The following SCOC variants were observed in gnomAD, a reference collection of about 807,000 sequenced individuals.
The protein encoded by SCOC is short coiled-coil protein.
A neutral mutation model predicts 9.9 loss-of-function variants in SCOC; 7 were observed. The observed-to-expected ratio is 0.71, with a 90% CI of 0.40 to 1.33. The LOEUF (loss-of-function observed/expected upper bound fraction) is 1.33, where lower values mean the gene tolerates loss of function less well. Ranked by LOEUF, SCOC falls within the 40% of genes most tolerant of loss-of-function variation. The pLI, the probability that SCOC is intolerant of heterozygous loss-of-function variation, is 0.01. For synonymous variants in SCOC, 19 were observed against 28.2 expected, an observed-to-expected ratio of 0.67 and a Z score of 1.03; for missense variants, 66 against 89.7, an observed-to-expected ratio of 0.74 and a Z score of 1.07.
chr4:140,324,465 A>G (rs1732588272), intron 1 of SCOC, among the ~76,000 whole-genome samples: 1 of 152,176 alleles, frequency 6.6e-6, no homozygotes. Flanking sequence ...TTCCAAAAAT[A>G]TACAAAACAC....
intron 1 of SCOC, among the ~76,000 whole-genome samples, chr4:140,317,893 C>T (rs557763406): frequency 0.017 from 2,237 of 131,786 alleles, 59 homozygotes; most frequent in African/African-American, 0.06. Flanking sequence ...ATTCCCCTTC[C>T]TGTGTCCATG....
chr4:140,305,040 C>T (rs912207575), intron 1 of SCOC, among the ~76,000 whole-genome samples: 6 of 152,190 alleles, frequency 3.9e-5, no homozygotes, highest in East Asian at 1.9e-4. Flanking sequence ...GGCATGAGCT[C>T]GTCTCTGCCA....
At chr4:140,369,857 ATTTTTTTTTTTTT>A (rs540817613), upstream of SCOC, among the ~76,000 whole-genome samples, 4 of 31,374 alleles carry the variant, frequency 1.3e-4, no homozygotes, top group African/African-American at 2.7e-4. Context: ...CAGAAGGGGG[ATTTTTTTTTTTTT>A]TTTTTTTTTT....
chr4:140,366,880 A>T, intron 2 of SCOC: 1 of 718,130 alleles, frequency 1.4e-6, no homozygotes. Flanking sequence ...GTTTGGCAAG[A>T]AGGAAGAAGG....
chr4:140,273,987 G>C (rs536587416), intron 1 of SCOC, among the ~76,000 whole-genome samples: 16 of 152,268 alleles, frequency 1.1e-4, no homozygotes, highest in African/African-American at 3.6e-4. Flanking sequence ...GTCAAAAAAG[G>C]GATAATTGCA....
intron 1 of SCOC, among the ~76,000 whole-genome samples, chr4:140,286,302 C>T (rs550751563): frequency 5.3e-5 from 8 of 151,866 alleles, no homozygotes; most frequent in Admixed American, 2.0e-4. Flanking sequence ...ACCAGCCCAC[C>T]GTTTTTACTG....
upstream of SCOC, among the ~76,000 whole-genome samples, chr4:140,340,679 A>T (rs1207546925): frequency 2.0e-5 from 3 of 151,514 alleles, no homozygotes; most frequent in Admixed American, 1.3e-4. Context: ...TTCACCATGG[A>T]TAATTTAAAT....
intron 2 of SCOC, among the ~76,000 whole-genome samples, chr4:140,358,397 A>G (rs536761266): frequency 1.8e-4 from 27 of 152,320 alleles, no homozygotes; most frequent in Non-Finnish European, 3.1e-4. Context: ...AACACTGAGT[A>G]ATGACTAAGT....
At chr4:140,339,504 T>C (rs1352421399), upstream of SCOC, among the ~76,000 whole-genome samples, 1 of 151,778 alleles carries the variant, frequency 6.6e-6, no homozygotes, top group East Asian at 1.9e-4. Context: ...ACCACCAGAG[T>C]GAACAGGCAA....
chr4:140,317,308 C>T (rs1310747455), intron 1 of SCOC, among the ~76,000 whole-genome samples: 8 of 152,288 alleles, frequency 5.3e-5, no homozygotes, highest in Non-Finnish European at 1.5e-5. Flanking sequence ...ATGGAATCTA[C>T]AGGCAGATAG....
At chr4:140,346,507 G>A (rs1369285546) in intron 2 of SCOC, among the ~76,000 whole-genome samples, 1 of 152,140 alleles carries the variant, frequency 6.6e-6, no homozygotes, top group South Asian at 2.1e-4. Context: ...AGAGGAAGGC[G>A]AGAGAAAGGA....
chr4:140,342,515 T>C (rs2126510077), upstream of SCOC, among the ~76,000 whole-genome samples: 1 of 152,328 alleles, frequency 6.6e-6, no homozygotes, highest in East Asian at 1.9e-4. Context: ...TCTATTCTAG[T>C]GAATTTAATT....
intron 1 of SCOC, among the ~76,000 whole-genome samples, chr4:140,285,797 A>C (rs1317966725): frequency 7.2e-5 from 11 of 152,154 alleles, no homozygotes; most frequent in Admixed American, 7.2e-4. Flanking sequence ...AGATGGTTGG[A>C]AACAGACCTG....
chr4:140,287,454 T>A (rs1315589206), intron 1 of SCOC, among the ~76,000 whole-genome samples: 1 of 128,388 alleles, frequency 7.8e-6, no homozygotes, highest in African/African-American at 3.0e-5. Context: ...ACCATGTACA[T>A]ACATGCTACA....
chr4:140,282,452 T>C (rs1731122454), intron 1 of SCOC, among the ~76,000 whole-genome samples: 1 of 152,246 alleles, frequency 6.6e-6, no homozygotes, highest in South Asian at 2.1e-4. Flanking sequence ...TTGTTCTCTG[T>C]AATTTGCCTC....
At chr4:140,282,297 C>T (rs2126417529) in intron 1 of SCOC, among the ~76,000 whole-genome samples, 1 of 152,290 alleles carries the variant, frequency 6.6e-6, no homozygotes, top group South Asian at 2.1e-4. Context: ...GGCCTTCTAT[C>T]TGATTCTGAA....
Position 140,338,289 on chromosome 4 carries a change from G to A in SCOC, c.-18-5332G>A, listed in dbSNP as rs559931488. Among the ~76,000 whole-genome samples, 293 of 152,200 alleles carry A rather than the reference G, an allele frequency of 1.9e-3. 6 individuals are homozygous for A. Among genetic ancestry groups the A allele is most frequent in the Admixed American group, 0.015 (232 of 15,286 alleles). ...ACTCTCAATAAATTAGGTATTGATG[G>A]GACGTATCTCAAAATAATAAGAGCT... On this transcript the variant is annotated intron_variant, in intron 1 of 4. Transcript: ENST00000394205.
intron 1 of SCOC, chr4:140,291,604 G>T: frequency 1.1e-5 from 5 of 439,952 alleles, no homozygotes; most frequent in South Asian, 8.0e-5. Flanking sequence ...ATCCTTTCTC[G>T]GTCACCAAAT....
At chr4:140,333,661 G>A (rs1304191463) in intron 1 of SCOC, among the ~76,000 whole-genome samples, 1 of 151,650 alleles carries the variant, frequency 6.6e-6, no homozygotes, top group Non-Finnish European at 1.5e-5. Context: ...TGTTGCCCAA[G>A]CAGAACTGGG....
Sources: gnomAD v4.1 joint callset for allele counts (sites outside exome capture counted in the v4.1 genomes callset) on GRCh38, gnomAD v4.1.1 for gene constraint, MANE v1.5 for transcripts, NCBI Gene and HGNC (gene_info 2026-07-23, HGNC 2026-07-21) for gene names.